Variants in NELL2 observed in about 807,000 individuals in gnomAD.
NELL2 encodes neural EGFL like 2, also known as protein kinase C-binding protein NELL2.
In NELL2, 41 loss-of-function variants were observed where a neutral mutation model predicts 109.6. That is an observed-to-expected ratio of 0.37 (90% confidence interval 0.29 to 0.49). NELL2 has a LOEUF of 0.49. Among genes scored for constraint, NELL2 ranks in the 20% least tolerant of loss-of-function variants. The pLI is 0.98. For synonymous variants in NELL2, 355 were observed against 344.7 expected, an observed-to-expected ratio of 1.03 and a Z score of -0.33; for missense variants, 900 against 1,008.3, an observed-to-expected ratio of 0.89 and a Z score of 1.45.
At chr12:44,624,322 C>T (rs1487824086) in intron 13 of NELL2, among the ~76,000 whole-genome samples, 1 of 152,040 alleles carries the variant, frequency 6.6e-6, no homozygotes, top group Non-Finnish European at 1.5e-5. Flanking sequence ...TATATTCTTC[C>T]ACAAAATTAA....
intron 15 of NELL2, among the ~76,000 whole-genome samples, chr12:44,573,725 G>C (rs1334265701): frequency 1.3e-5 from 2 of 152,212 alleles, no homozygotes; most frequent in Non-Finnish European, 2.9e-5. Flanking sequence ...TAGATATGGA[G>C]AACAGGCAAA....
chr12:44,817,761 A>T (rs1943400267), intron 2 of NELL2, among the ~76,000 whole-genome samples: 1 of 152,076 alleles, frequency 6.6e-6, no homozygotes, highest in South Asian at 2.1e-4. Context: ...TTATCAATTT[A>T]CTCTCTTGGT....
chr12:44,746,998 A>C (rs1384034949), intron 9 of NELL2, among the ~76,000 whole-genome samples: 1 of 152,242 alleles, frequency 6.6e-6, no homozygotes, highest in African/African-American at 2.4e-5. Context: ...ACTCATGCAC[A>C]CGTATGTTTA....
chr12:44,794,501 C>G (rs929452410), intron 3 of NELL2, among the ~76,000 whole-genome samples: 1 of 152,108 alleles, frequency 6.6e-6, no homozygotes, highest in African/African-American at 2.4e-5. Context: ...CTGGCAGCAA[C>G]AGCACCCCGG....
At chr12:44,703,621 T>C in intron 12 of NELL2, 105 bp downstream of exon 12, 4 of 1,175,718 alleles carry the variant, frequency 3.4e-6, no homozygotes, top group Non-Finnish European at 5.0e-6. Flanking sequence ...AATTCACTGC[T>C]TTTAATGGGC....
intron 9 of NELL2, among the ~76,000 whole-genome samples, chr12:44,749,590 G>A (rs1443550046): frequency 2.0e-5 from 3 of 152,064 alleles, no homozygotes; most frequent in African/African-American, 7.2e-5. Flanking sequence ...CCTTAGAAGA[G>A]AGACTGAGAA....
At chr12:44,567,647 T>C (rs1054882795) in intron 15 of NELL2, among the ~76,000 whole-genome samples, 3 of 152,214 alleles carry the variant, frequency 2.0e-5, no homozygotes, top group African/African-American at 7.2e-5. Context: ...GGCATTCTAT[T>C]ATATGACACT....
chr12:44,794,235 T>A (rs1490792637), intron 3 of NELL2, among the ~76,000 whole-genome samples: 2 of 152,284 alleles, frequency 1.3e-5, no homozygotes, highest in East Asian at 3.9e-4. Flanking sequence ...TCATTGGATT[T>A]TTGTGAGGAT....
chr12:44,836,824 T>C (rs749907362), intron 2 of NELL2, among the ~76,000 whole-genome samples: 9 of 152,204 alleles, frequency 5.9e-5, no homozygotes, highest in African/African-American at 2.2e-4. Flanking sequence ...TTTTGAAATA[T>C]AACTATAGAT....
intron 13 of NELL2, among the ~76,000 whole-genome samples, chr12:44,627,742 GGATTA>G (rs147653356): frequency 0.021 from 3,228 of 152,106 alleles, 123 homozygotes; most frequent in African/African-American, 0.073. Context: ...TTCTAAGACT[GGATTA>G]GATTAAATAG....
intron 9 of NELL2, among the ~76,000 whole-genome samples, chr12:44,716,523 T>G (rs1442213327): frequency 6.6e-6 from 1 of 152,166 alleles, no homozygotes; most frequent in African/African-American, 2.4e-5. Context: ...TAAACATGAT[T>G]GATTGCAAAA....
chr12:44,625,901 C>A (rs1946243076), intron 13 of NELL2, among the ~76,000 whole-genome samples: 1 of 151,936 alleles, frequency 6.6e-6, no homozygotes, highest in Non-Finnish European at 1.5e-5. Flanking sequence ...AGTATTTTTA[C>A]TTCTTCTGTG....
rs59366638 is a variant in NELL2, at chr12:44,739,191, A to C, written c.995-24450T>G. ...CTTAGACTTTTCCTATATTGCCCTT[A>C]CCATAATTTGCAATAATTCGTGTGT... On this transcript the variant is annotated intron_variant, in intron 9 of 19. Transcript: ENST00000429094. Among the ~76,000 whole-genome samples the C allele has an allele frequency of 1.2e-3, 189 of 152,288 alleles. 2 individuals carry two copies. In the East Asian group the frequency reaches 0.032, roughly 26 times the overall value.
At chr12:44,870,991 G>A (rs1308986701) in intron 2 of NELL2, among the ~76,000 whole-genome samples, 1 of 152,006 alleles carries the variant, frequency 6.6e-6, no homozygotes, top group Non-Finnish European at 1.5e-5. Flanking sequence ...CATGTAACCT[G>A]GTTCCTGCTT....
intron 15 of NELL2, among the ~76,000 whole-genome samples, chr12:44,552,945 C>T (rs1305995785): frequency 6.6e-6 from 1 of 151,998 alleles, no homozygotes; most frequent in African/African-American, 2.4e-5. Context: ...CTCTCTATTT[C>T]AATTGGACTC....
chr12:44,813,965 A>G (rs1943256458), intron 3 of NELL2, among the ~76,000 whole-genome samples: 1 of 152,252 alleles, frequency 6.6e-6, no homozygotes, highest in African/African-American at 2.4e-5. Flanking sequence ...TTGCTTAAAA[A>G]AACATTAAAC....
chr12:44,816,045 G>T lies in NELL2; in HGVS notation c.276C>A (p.Thr92=). ...RNKHEFTILV[T]LKQTHLNSGV... is the part of the protein sequence containing the mutation. ...CTGAATTTAAGTGGGTCTGTTTTAG[G>T]GTCACCAAAATAGTAAATTCATGTT... Residue 92 remains threonine (T), a synonymous_variant, in exon 3 of 20, where the codon ACC becomes ACA. Coordinates refer to ENST00000429094, the MANE Select transcript of NELL2 (RefSeq NM_001145108.2). 6.2e-7 allele frequency: 1 copy of T among 1,613,356 alleles called. No individual in the cohort carries two copies. The highest frequency in any genetic ancestry group is 8.5e-7 in the Non-Finnish European group (1 of 1,179,796).
chr12:44,540,576 A>T (rs892099746), intron 15 of NELL2, among the ~76,000 whole-genome samples: 2 of 152,106 alleles, frequency 1.3e-5, no homozygotes, highest in African/African-American at 2.4e-5. Flanking sequence ...CCATGAGCAG[A>T]TTGCTGAAAG....
At chr12:44,758,494 C>A (rs1010088771) in intron 9 of NELL2, among the ~76,000 whole-genome samples, 3 of 152,208 alleles carry the variant, frequency 2.0e-5, no homozygotes, top group African/African-American at 7.2e-5. Context: ...ATAATCTCAA[C>A]TTACTGTTAA....
Sources: gnomAD v4.1 joint callset for allele counts (sites outside exome capture counted in the v4.1 genomes callset) on GRCh38, gnomAD v4.1.1 for gene constraint, MANE v1.5 for transcripts, NCBI Gene and HGNC (gene_info 2026-07-23, HGNC 2026-07-21) for gene names.